RBFOX2: variants seen among roughly 807,000 people sequenced by gnomAD.
The protein encoded by RBFOX2 is RNA binding protein fox-1 homolog 2.
RBFOX2 carries 10 observed loss-of-function variants against 49.1 expected under a neutral mutation model. The observed-to-expected ratio is 0.20, with a 90% CI of 0.13 to 0.35. The LOEUF (loss-of-function observed/expected upper bound fraction) is 0.35, where lower values mean the gene tolerates loss of function less well. Ranked by LOEUF, RBFOX2 falls within the 10% of genes least tolerant of loss-of-function variation. The probability of loss-of-function intolerance (pLI) is 1.00; values close to 1 mark genes in which losing one functional copy is unlikely to be tolerated. For missense variants in RBFOX2, 323 were observed against 486.9 expected (o/e 0.66, Z 3.17); for synonymous variants, 183 against 187.4 (o/e 0.98, Z 0.19).
In RBFOX2 at chr22:35,763,704, G is replaced by A. The variant is rs971787636; in HGVS notation, c.607+1719C>T. On this transcript the variant is annotated intron_variant, in intron 6 of 11. Transcript: ENST00000405409. ...AAAACCCAAAGAGGAAGGTAAAATA[G>A]ATACCACATCTGCAATCTGAGGTCA... is the stretch of plus-strand genomic sequence containing the variant. Among the ~76,000 whole-genome samples, 11 of 152,300 alleles carry A rather than the reference G, an allele frequency of 7.2e-5. No individual in the cohort carries two copies. In the East Asian group the frequency reaches 2.1e-3, roughly 29 times the overall value.
At chr22:35,767,383 T>C (rs751639649) in intron 5 of RBFOX2, among the ~76,000 whole-genome samples, 1 of 152,158 alleles carries the variant, frequency 6.6e-6, no homozygotes, top group African/African-American at 2.4e-5. Context: ...ACGGGCACCA[T>C]CGCCAGCATT....
intron 1 of RBFOX2, among the ~76,000 whole-genome samples, chr22:35,946,393 A>C (rs2054281722): frequency 6.6e-6 from 1 of 152,218 alleles, no homozygotes. Context: ...TGGCTGGGTC[A>C]CTTTCTAACT....
intron 4 of RBFOX2, among the ~76,000 whole-genome samples, chr22:35,774,498 C>T (rs1023134617): frequency 6.6e-6 from 1 of 152,078 alleles, no homozygotes; most frequent in Non-Finnish European, 1.5e-5. Context: ...ACAGGTGATT[C>T]TATGTTTTTA....
chr22:35,855,185 C>G (rs950669057), intron 1 of RBFOX2, among the ~76,000 whole-genome samples: 3 of 152,044 alleles, frequency 2.0e-5, no homozygotes, highest in African/African-American at 7.2e-5. Context: ...AATATATTTA[C>G]TCAAAAATTC....
chr22:35,928,248 G>A (rs79025432), intron 1 of RBFOX2, among the ~76,000 whole-genome samples: 5,909 of 152,234 alleles, frequency 0.039, 142 homozygotes, highest in South Asian at 0.086. Context: ...GTCTGTGTCT[G>A]TTGGGGGGGC....
intron 1 of RBFOX2, among the ~76,000 whole-genome samples, chr22:35,879,178 T>C (rs1311873127): frequency 6.6e-6 from 1 of 152,216 alleles, no homozygotes; most frequent in Non-Finnish European, 1.5e-5. Context: ...AGAGAAGCAT[T>C]ACAGGCAGAA....
At chr22:35,781,881 ACAACAACAGCAG>A in intron 2 of RBFOX2, 135 bp from the exon 4 acceptor site, 2 of 960,108 alleles carry the variant, frequency 2.1e-6, no homozygotes, top group East Asian at 2.6e-5. Flanking sequence ...GACAAAAGCA[ACAACAACAGCAG>A]CAACAACAAA....
chr22:35,958,946 CAGAT>C (rs566322562), intron 1 of RBFOX2, among the ~76,000 whole-genome samples: 57 of 150,710 alleles, frequency 3.8e-4, no homozygotes, highest in African/African-American at 1.3e-3. Context: ...TTTGCAGAAA[CAGAT>C]AGAGAAAACT....
intron 1 of RBFOX2, among the ~76,000 whole-genome samples, chr22:35,833,940 A>G (rs919244925): frequency 2.6e-5 from 4 of 152,178 alleles, no homozygotes; most frequent in African/African-American, 9.6e-5. Flanking sequence ...AATAATGTAT[A>G]CTTTATTACA....
chr22:35,802,290 TA>T (rs1208521587), intron 2 of RBFOX2, among the ~76,000 whole-genome samples: 3 of 152,156 alleles, frequency 2.0e-5, no homozygotes, highest in African/African-American at 4.8e-5. Context: ...GTAAGTAATT[TA>T]AAAATGCCAT....
intron 2 of RBFOX2, among the ~76,000 whole-genome samples, chr22:35,807,347 T>G (rs1183722089): frequency 2.0e-5 from 3 of 152,080 alleles, no homozygotes; most frequent in Non-Finnish European, 2.9e-5. Flanking sequence ...TTGGAAAGAC[T>G]GTCTAGTAAA....
intron 1 of RBFOX2, among the ~76,000 whole-genome samples, chr22:35,937,005 G>A (rs921870272): frequency 1.3e-5 from 2 of 152,072 alleles, no homozygotes; most frequent in Non-Finnish European, 2.9e-5. Context: ...GACTAACCAC[G>A]ACCCCTTTAT....
At chr22:35,964,893 T>C (rs1218751505), upstream of RBFOX2, among the ~76,000 whole-genome samples, 3 of 152,260 alleles carry the variant, frequency 2.0e-5, no homozygotes, top group Admixed American at 6.5e-5. Flanking sequence ...AAAATGTATC[T>C]ACTGATGTCA....
At chr22:35,998,712 G>C (rs1402089031) in intron 1 of RBFOX2, 1 of 152,264 alleles carries the variant, frequency 6.6e-6, no homozygotes, top group Non-Finnish European at 1.5e-5. Flanking sequence ...GAGTGCAAGA[G>C]TGAGATGGAG....
intron 1 of RBFOX2, among the ~76,000 whole-genome samples, chr22:35,879,942 G>C (rs1341774273): frequency 1.3e-5 from 2 of 152,202 alleles, no homozygotes; most frequent in African/African-American, 2.4e-5. Context: ...GATCACTTGA[G>C]GCCAGGAATT....
chr22:35,889,127 G>A (rs891934822), intron 1 of RBFOX2, among the ~76,000 whole-genome samples: 3 of 152,010 alleles, frequency 2.0e-5, no homozygotes, highest in African/African-American at 4.8e-5. Flanking sequence ...TGTGCTCCAG[G>A]GTGGGTGACA....
At chr22:35,953,262 T>C (rs2055160070) in intron 1 of RBFOX2, among the ~76,000 whole-genome samples, 1 of 135,314 alleles carries the variant, frequency 7.4e-6, no homozygotes, top group Admixed American at 7.2e-5. Context: ...CAAACGTCCA[T>C]TAAGGGATAA....
chr22:35,863,261 T>C lies in RBFOX2; in HGVS notation c.-33-53257A>G, dbSNP rs554315411. On this transcript the variant is annotated intron_variant, in intron 1 of 13. Coordinates refer to the RBFOX2 transcript ENST00000359369. ...GTTATTTTTGTAAATTTATGTTACA[T>C]TTCTGTAACATAAATCAAGTGAGAA... is the stretch of plus-strand genomic sequence containing the variant. 4.8e-4 allele frequency among the ~76,000 whole-genome samples: 73 copies of C among 152,280 alleles called. 1 individual carries two copies. The highest frequency in any genetic ancestry group is 3.5e-3 in the South Asian group (17 of 4,826).
At chr22:36,010,067 A>C (rs995940114) in intron 1 of RBFOX2, among the ~76,000 whole-genome samples, 1 of 151,984 alleles carries the variant, frequency 6.6e-6, no homozygotes, top group Non-Finnish European at 1.5e-5. Flanking sequence ...CCAGACCTCT[A>C]AATTGCCTGG....
Sources: gnomAD v4.1 joint callset for allele counts (sites outside exome capture counted in the v4.1 genomes callset) on GRCh38, gnomAD v4.1.1 for gene constraint, MANE v1.5 for transcripts, NCBI Gene and HGNC (gene_info 2026-07-23, HGNC 2026-07-21) for gene names.